Variants in SMURF2 observed in about 807,000 individuals in gnomAD.
SMURF2 encodes SMAD specific E3 ubiquitin protein ligase 2.
SMURF2 carries 48 observed loss-of-function variants against 109.6 expected under a neutral mutation model. The observed-to-expected ratio is 0.44, with a 90% CI of 0.35 to 0.56. The LOEUF is 0.56. SMURF2 is among the 20% of genes least tolerant of loss of function. The pLI, the probability that SMURF2 is intolerant of heterozygous loss-of-function variation, is 0.01. For synonymous variants in SMURF2, 288 were observed against 317.1 expected, an observed-to-expected ratio of 0.91 and a Z score of 0.97; for missense variants, 575 against 909.0, an observed-to-expected ratio of 0.63 and a Z score of 4.72.
Position 64,593,460 on chromosome 17 carries a change from T to C in SMURF2, c.314A>G (p.Asn105Ser), listed in dbSNP as rs80215473. Reference sequence around the variant, plus strand: ...CTCACAACCAGTGTCTTTGAGGCGGTTGATGGCATTGGAAAGAAGACGAAC... The same window carrying C: ...CTCACAACCAGTGTCTTTGAGGCGGCTGATGGCATTGGAAAGAAGACGAAC... ...GCVRLLSNAI[N>S]RLKDTGYQRL... The change falls in exon 4 of 19, where the codon AAC (asparagine) becomes AGC (serine). Residue 105 changes from asparagine (N) to serine (S), a missense_variant. Around this residue, in one of 5 missense-constraint regions of SMURF2, gnomAD observed 151 missense variants for 178.4 expected, o/e 0.85. Coordinates refer to ENST00000262435, the MANE Select transcript of SMURF2 (RefSeq NM_022739.4). 36,048 of 1,609,394 alleles carry C rather than the reference T, an allele frequency of 0.022. 482 individuals are homozygous for C. The highest frequency in any genetic ancestry group is 0.026 in the Non-Finnish European group (30,444 of 1,178,308).
At chr17:64,626,582 G>C (rs1034847051) in intron 1 of SMURF2, among the ~76,000 whole-genome samples, 35 of 151,962 alleles carry the variant, frequency 2.3e-4, no homozygotes, top group African/African-American at 8.5e-4. Flanking sequence ...GGCCAACATG[G>C]CAAAATCCCA....
chr17:64,650,981 G>A (rs2144733754), intron 1 of SMURF2, among the ~76,000 whole-genome samples: 1 of 151,602 alleles, frequency 6.6e-6, no homozygotes, highest in Non-Finnish European at 1.5e-5. Flanking sequence ...GGAGGCCGAG[G>A]TAGGCTGATC....
rs182130692 is a variant in SMURF2, at chr17:64,610,128, G to T, written c.53-3488C>A. Among the ~76,000 whole-genome samples, 12 of 152,294 alleles carry T rather than the reference G, an allele frequency of 7.9e-5. No individual in the cohort carries two copies. The East Asian group carries it at 2.3e-3, about 29-fold the overall frequency. On this transcript the variant is annotated intron_variant, in intron 1 of 18. Coordinates refer to ENST00000262435, the MANE Select transcript of SMURF2 (RefSeq NM_022739.4). ...AACAACAGATGCTGGAGAGGATGTG[G>T]AGAAATAGGAATGCTTTTACACTGT...
intron 1 of SMURF2, among the ~76,000 whole-genome samples, chr17:64,607,957 C>A (rs1969992389): frequency 6.6e-6 from 1 of 150,860 alleles, no homozygotes; most frequent in South Asian, 2.1e-4. Context: ...AAGATTGCAA[C>A]CACTGAACTC....
At chr17:64,608,849 T>C (rs1970006882) in intron 1 of SMURF2, among the ~76,000 whole-genome samples, 4 of 152,134 alleles carry the variant, frequency 2.6e-5, no homozygotes, top group Admixed American at 2.6e-4. Context: ...CTCTATCTTG[T>C]CCCCTTTTCT....
Position 64,645,707 on chromosome 17 carries a change from A to G in SMURF2, c.52+16122T>C, listed in dbSNP as rs1399332749. Reference sequence around the variant, plus strand: ...AGGCTGGTCTCAAACGCCTAGGCTTAACAACCCTCCTGCCTCAGCCTTATG... The same window carrying G: ...AGGCTGGTCTCAAACGCCTAGGCTTGACAACCCTCCTGCCTCAGCCTTATG... On this transcript the variant is annotated intron_variant, in intron 1 of 18. Coordinates refer to ENST00000262435, the MANE Select transcript of SMURF2 (RefSeq NM_022739.4). Among the ~76,000 whole-genome samples, 3 of 152,204 alleles carry G rather than the reference A, an allele frequency of 2.0e-5. No homozygotes were observed. In the East Asian group the frequency reaches 5.8e-4, roughly 29 times the overall value.
intron 12 of SMURF2, among the ~76,000 whole-genome samples, 155 bp downstream of exon 12, chr17:64,561,345 C>G (rs1969214775): frequency 6.6e-6 from 1 of 152,150 alleles, no homozygotes; most frequent in South Asian, 2.1e-4. Context: ...CCACCCTAAC[C>G]TCATTATGAA....
chr17:64,644,919 A>G (rs1047848767), intron 1 of SMURF2, among the ~76,000 whole-genome samples: 1 of 152,112 alleles, frequency 6.6e-6, no homozygotes, highest in Non-Finnish European at 1.5e-5. Context: ...CTGAGGCAGG[A>G]GCCGCTTCAA....
At chr17:64,578,868 T>C (rs531782606) in intron 8 of SMURF2, among the ~76,000 whole-genome samples, 2 of 152,246 alleles carry the variant, frequency 1.3e-5, no homozygotes, top group East Asian at 1.9e-4. Context: ...TACTAATAAC[T>C]AAAAAATTTT....
intron 1 of SMURF2, among the ~76,000 whole-genome samples, chr17:64,647,637 T>C (rs1382392750): frequency 1.3e-5 from 2 of 148,500 alleles, no homozygotes; most frequent in Non-Finnish European, 3.0e-5. Context: ...GCCGAGATCA[T>C]GCCATTGCAC....
rs782811555 is a variant in SMURF2 at position 64,580,898 on chromosome 17, T to C, written c.663A>G (p.Gly221=). The C allele has an allele frequency of 6.2e-7, 1 of 1,614,158 alleles. No homozygotes were observed. The highest frequency in any genetic ancestry group is 8.5e-7 in the Non-Finnish European group (1 of 1,180,014). ...PISGTNGATC[G]QSSDPRLAER... ...CTGCCAGCCTGGGATCTGAAGACTG[T>C]CCACATGTTGCACCATTTGTTCCAC... Residue 221 remains glycine, a synonymous_variant, in exon 8 of 19, where the codon GGA becomes GGG. Coordinates refer to ENST00000262435, the MANE Select transcript of SMURF2 (RefSeq NM_022739.4).
intron 1 of SMURF2, among the ~76,000 whole-genome samples, chr17:64,651,821 C>G (rs1458699426): frequency 6.6e-6 from 1 of 152,050 alleles, no homozygotes; most frequent in Non-Finnish European, 1.5e-5. Flanking sequence ...ATTCAGAAGG[C>G]TGAGGCGGGA....
intron 9 of SMURF2, among the ~76,000 whole-genome samples, chr17:64,577,891 G>A (rs1969518391): frequency 6.6e-6 from 1 of 150,970 alleles, no homozygotes; most frequent in South Asian, 2.1e-4. Context: ...CACCTGCTTG[G>A]TGCCCTAGGA....
chr17:64,637,176 G>A (rs1414814407), intron 1 of SMURF2, among the ~76,000 whole-genome samples: 1 of 151,258 alleles, frequency 6.6e-6, no homozygotes, highest in Non-Finnish European at 1.5e-5. Flanking sequence ...ACCCAGGCTG[G>A]AGTGCAGTGG....
At chr17:64,632,240 T>C (rs1970361989) in intron 1 of SMURF2, among the ~76,000 whole-genome samples, 1 of 152,078 alleles carries the variant, frequency 6.6e-6, no homozygotes, top group Non-Finnish European at 1.5e-5. Context: ...ATTACAGGCA[T>C]AAGCCACCAC....
chr17:64,576,600 G>A (rs531444740), intron 9 of SMURF2, among the ~76,000 whole-genome samples: 2 of 151,004 alleles, frequency 1.3e-5, no homozygotes, highest in Non-Finnish European at 2.9e-5. Flanking sequence ...GGAGGCGGAG[G>A]TTGCAGTGAG....
intron 15 of SMURF2, 92 bp downstream of exon 15, chr17:64,554,764 C>T (rs782191895): frequency 3.8e-4 from 452 of 1,176,146 alleles, no homozygotes; most frequent in Middle Eastern, 1.5e-3. Context: ...TTTTGTAACA[C>T]TAAGTAGTAC....
chr17:64,554,731 C>A, intron 15 of SMURF2, 125 bp downstream of exon 15: 1 of 811,352 alleles, frequency 1.2e-6, no homozygotes, highest in South Asian at 1.9e-5. Flanking sequence ...TCTAAATAAG[C>A]CACTAAATTC....
At chr17:64,654,628 G>C (rs1470614811) in intron 1 of SMURF2, among the ~76,000 whole-genome samples, 1 of 152,056 alleles carries the variant, frequency 6.6e-6, no homozygotes, top group African/African-American at 2.4e-5. Flanking sequence ...TCAGGAGTTT[G>C]AGACCAGCCT....
Sources: allele counts gnomAD v4.1 joint callset (sites outside exome capture counted in the v4.1 genomes callset), GRCh38; gene constraint gnomAD v4.1.1; regional missense constraint gnomAD v4.1.1; transcripts MANE v1.5; gene names NCBI Gene and HGNC (gene_info 2026-07-23, HGNC 2026-07-21).